Variants in SMPD4 observed in about 807,000 individuals in gnomAD.
SMPD4 encodes neutral sphingomyelinase 3.
Under a neutral mutation model 97.8 loss-of-function variants are expected in SMPD4, and 58 were observed. That is an observed-to-expected ratio of 0.59 (90% confidence interval 0.48 to 0.74). The LOEUF (loss-of-function observed/expected upper bound fraction) is 0.74. Ranked by LOEUF, SMPD4 falls within the 30% of genes least tolerant of loss-of-function variation. The pLI is 0.00. For synonymous variants in SMPD4, 388 were observed against 450.0 expected, an observed-to-expected ratio of 0.86 and a Z score of 1.74; for missense variants, 853 against 1,080.5, an observed-to-expected ratio of 0.79 and a Z score of 2.95.
Position 130,172,503 on chromosome 2 carries a change from G to A in SMPD4, c.508-3C>T. The A allele has an allele frequency of 6.8e-6, 11 of 1,611,256 alleles. No homozygotes were observed. The highest frequency in any genetic ancestry group is 1.3e-5 in the African/African-American group (1 of 75,008). Reference sequence around the variant, plus strand: ...ACGTGGAGGGACACAGGAAGTGGCTGGAAAACCAAGCTAGTTGTTAGCATG... The same window carrying A: ...ACGTGGAGGGACACAGGAAGTGGCTAGAAAACCAAGCTAGTTGTTAGCATG... On this transcript the variant is annotated splice_region_variant and splice_polypyrimidine_tract_variant and intron_variant, in intron 7 of 19. Coordinates refer to ENST00000680298, the MANE Select transcript of SMPD4 (RefSeq NM_017951.5).
chr2:130,167,321 A>T, intron 9 of SMPD4, 137 bp downstream of exon 9: 1 of 1,205,820 alleles, frequency 8.3e-7, no homozygotes, highest in South Asian at 1.4e-5. Context: ...TGGTTTCACC[A>T]TGCTGGCCAG....
At chr2:130,160,631 A>G (rs1046871169) in intron 11 of SMPD4, among the ~76,000 whole-genome samples, 4 of 152,048 alleles carry the variant, frequency 2.6e-5, no homozygotes, top group African/African-American at 9.7e-5. Flanking sequence ...CTGGGCTGTC[A>G]AGGACTGACA....
intron 10 of SMPD4, among the ~76,000 whole-genome samples, chr2:130,163,628 G>A (rs1477379137): frequency 1.3e-5 from 2 of 152,272 alleles, no homozygotes; most frequent in Non-Finnish European, 2.9e-5. Flanking sequence ...TGCCACTTCA[G>A]GCAAGGGCAC....
Position 130,181,595 on chromosome 2 carries a change from T to C in SMPD4, c.-111A>G. On this transcript the variant is annotated 5_prime_UTR_variant, in exon 1 of 20. Transcript: ENST00000680298. ...CGCCATTCCGCCACGGCGCCGAAAG[T>C]CGTCATCAAGCTGCGCGCAGAGCCA... The C allele has an allele frequency of 6.2e-7, 1 of 1,602,592 alleles. No homozygotes were observed. Among genetic ancestry groups the C allele is most frequent in the African/African-American group, 1.3e-5 (1 of 74,922 alleles).
intron 3 of SMPD4, 137 bp from the exon 4 acceptor site, chr2:130,173,793 C>CTGT: frequency 2.6e-6 from 3 of 1,132,444 alleles, no homozygotes; most frequent in South Asian, 1.6e-5. Context: ...AGCCCTGCAC[C>CTGT]CAAAGGAAGC....
chr2:130,169,793 C>T (rs1223248140), intron 8 of SMPD4, among the ~76,000 whole-genome samples: 1 of 152,142 alleles, frequency 6.6e-6, no homozygotes, highest in African/African-American at 2.4e-5. Context: ...CTCAAGTGAT[C>T]CTCCCGCCTT....
In SMPD4 at chr2:130,179,283, G is replaced by T. The variant is rs575559921; in HGVS notation, c.-46+2247C>A. On this transcript the variant is annotated intron_variant, in intron 1 of 19. Transcript: ENST00000680298. ...CCACAGGCACTGGCCACCACACCCG[G>T]CTAATTTTTTTGTATTTTTAGTAGA... Among the ~76,000 whole-genome samples, 67 of 152,044 alleles carry T rather than the reference G, an allele frequency of 4.4e-4. 1 individual carries two copies. In the Middle Eastern group the frequency reaches 0.02, roughly 46 times the overall value.
intron 8 of SMPD4, among the ~76,000 whole-genome samples, chr2:130,169,562 TTC>T (rs1360793684): frequency 6.6e-6 from 1 of 151,932 alleles, no homozygotes; most frequent in African/African-American, 2.4e-5. Flanking sequence ...CTATGAAAGT[TTC>T]TTTTTTTTTT....
intron 1 of SMPD4, among the ~76,000 whole-genome samples, chr2:130,177,590 A>G (rs1301245402): frequency 2.6e-5 from 4 of 151,862 alleles, no homozygotes; most frequent in Admixed American, 6.6e-5. Context: ...CCAGCTACTC[A>G]GGAGGCTGAG....
At chr2:130,174,283 A>C (rs1688764493) in intron 3 of SMPD4, among the ~76,000 whole-genome samples, 1 of 152,184 alleles carries the variant, frequency 6.6e-6, no homozygotes, top group African/African-American at 2.4e-5. Context: ...GGCCTCCCAA[A>C]GTGTTGAGAT....
intron 8 of SMPD4, among the ~76,000 whole-genome samples, chr2:130,171,629 C>G (rs1281343853): frequency 3.3e-5 from 5 of 152,192 alleles, no homozygotes; most frequent in African/African-American, 7.2e-5. Flanking sequence ...CCCCTCCACC[C>G]TCTGGGGAAT....
At chr2:130,156,946 G>T in intron 12 of SMPD4, 2 of 940,804 alleles carry the variant, frequency 2.1e-6, no homozygotes, top group Non-Finnish European at 3.2e-6. Flanking sequence ...CACTCTGCTG[G>T]CCCTGGTGGG....
At position 130,156,061 on chromosome 2, in the gene SMPD4, G is replaced by A. The variant is rs1686758284; in HGVS notation, c.1263C>T (p.Ser421=). Residue 421 remains serine (S), a synonymous_variant, in exon 14 of 20, where the codon TCC becomes TCT. Coordinates refer to ENST00000680298, the MANE Select transcript of SMPD4 (RefSeq NM_017951.5). Reference sequence around the variant, plus strand: ...ATTTCTCCGACACACACCGGGGCTGGGAGTCGCTGCCCGGAGCCTGCTTGT... The same window carrying A: ...ATTTCTCCGACACACACCGGGGCTGAGAGTCGCTGCCCGGAGCCTGCTTGT... The part of the protein sequence containing the change: ...APDKQAPGSD[S]QPRCVSEKWA... 6.2e-7 allele frequency: 1 copy of A among 1,611,554 alleles called. No homozygotes were observed. The highest frequency in any genetic ancestry group is 8.5e-7 in the Non-Finnish European group (1 of 1,179,914).
At position 130,177,212 on chromosome 2, in the gene SMPD4, C is replaced by T. The variant is rs1362791130; in HGVS notation, c.-45-575G>A. ...CCTCCTGCGTCAGCCTCCCAACTAG[C>T]GGGAACTACAGGCAAACATCAACAA... is the stretch of plus-strand genomic sequence containing the variant. On this transcript the variant is annotated intron_variant, in intron 1 of 19. Coordinates refer to ENST00000680298, the MANE Select transcript of SMPD4 (RefSeq NM_017951.5). Among the ~76,000 whole-genome samples the T allele has an allele frequency of 5.3e-5, 8 of 152,282 alleles. No homozygotes were observed. The East Asian group carries it at 7.7e-4, about 15-fold the overall frequency.
chr2:130,180,414 G>C (rs546925964), intron 1 of SMPD4, among the ~76,000 whole-genome samples: 1 of 152,188 alleles, frequency 6.6e-6, no homozygotes, highest in African/African-American at 2.4e-5. Context: ...TGGGATTACA[G>C]GCGCCCGCTA....
intron 13 of SMPD4, 77 bp from the exon 14 acceptor site, chr2:130,156,212 G>A (rs1226927088): frequency 1.5e-5 from 19 of 1,302,830 alleles, no homozygotes; most frequent in East Asian, 2.4e-5. Flanking sequence ...GATACCAGGC[G>A]GCAGCTGGGT....
intron 11 of SMPD4, chr2:130,157,864 G>C (rs1397830940): frequency 1.4e-5 from 3 of 208,846 alleles, no homozygotes; most frequent in African/African-American, 7.0e-5. Context: ...ATGGAACCCA[G>C]GTGTGGTGCC....
At chr2:130,172,044 T>C (rs554437313) in intron 8 of SMPD4, among the ~76,000 whole-genome samples, 1 of 152,290 alleles carries the variant, frequency 6.6e-6, no homozygotes, top group Admixed American at 6.5e-5. Context: ...CCCTGCTCAC[T>C]GACTCAGACA....
intron 16 of SMPD4, 131 bp from the exon 17 acceptor site, chr2:130,154,066 C>T: frequency 9.0e-7 from 1 of 1,111,202 alleles, no homozygotes; most frequent in Non-Finnish European, 1.3e-6. Context: ...CTTTTAAAGA[C>T]TAAAGGATGA....
Sources: gnomAD v4.1 joint callset for allele counts (sites outside exome capture counted in the v4.1 genomes callset) on GRCh38, gnomAD v4.1.1 for gene constraint, MANE v1.5 for transcripts, NCBI Gene and HGNC (gene_info 2026-07-23, HGNC 2026-07-21) for gene names.